The following LATS2 variants were observed in gnomAD, a reference collection of about 807,000 sequenced individuals.
LATS2 encodes the protein serine/threonine-protein kinase LATS2.
LATS2 carries 24 observed loss-of-function variants against 76.0 expected under a neutral mutation model. That is an observed-to-expected ratio of 0.32 (90% CI 0.23 to 0.44). The LOEUF is 0.44. Among genes scored for constraint, LATS2 ranks in the 20% least tolerant of loss-of-function variants. LATS2 has a pLI of 1.00. For missense variants in LATS2, 1,286 were observed against 1,481.2 expected (o/e 0.87, Z 2.16); for synonymous variants, 692 against 635.4 (o/e 1.09, Z -1.34).
At chr13:21,003,915 A>G (rs951306690) in intron 2 of LATS2, among the ~76,000 whole-genome samples, 2 of 152,286 alleles carry the variant, frequency 1.3e-5, no homozygotes, top group South Asian at 4.1e-4. Flanking sequence ...TTAAGGCCCT[A>G]AAGTAAATAA....
intron 2 of LATS2, among the ~76,000 whole-genome samples, chr13:21,021,591 AATTTCACAT>A (rs1872068541): frequency 6.6e-6 from 1 of 151,662 alleles, no homozygotes; most frequent in South Asian, 2.1e-4. Flanking sequence ...AGTGTGTTTA[AATTTCACAT>A]TGTTAAGACG....
Position 20,973,556 on chromosome 13 carries a change from ACT to A in LATS2, c.*1312_*1313del, listed in dbSNP as rs1869437049. On this transcript the variant is annotated 3_prime_UTR_variant, in exon 8 of 8. Coordinates refer to ENST00000382592, the MANE Select transcript of LATS2 (RefSeq NM_014572.3). ...TGTGTATACACGCACATACATCTAT[ACT>A]TCTAAGAAAATACGTATGGCTTACT... 16 of 232,624 alleles carry A rather than the reference ACT, an allele frequency of 6.9e-5. 1 individual carries two copies. The East Asian group carries it at 9.8e-4, about 14-fold the overall frequency. The allele number at this position is 232,624 out of a possible 1,614,324, so 14.4% of individuals were successfully genotyped here. A position where few individuals can be genotyped will look rare whatever the true frequency, so the allele number is the denominator to read the frequency against.
chr13:20,989,557 GA>G (rs770377047), intron 3 of LATS2, among the ~76,000 whole-genome samples: 8 of 152,216 alleles, frequency 5.3e-5, no homozygotes, highest in Non-Finnish European at 1.2e-4. Context: ...GGGCAGAAGA[GA>G]AGACTGCGTC....
chr13:21,053,802 G>C (rs1200693767), intron 1 of LATS2, among the ~76,000 whole-genome samples: 1 of 152,206 alleles, frequency 6.6e-6, no homozygotes, highest in African/African-American at 2.4e-5. Context: ...ATTATGCTAA[G>C]TGAAATAAGC....
At chr13:20,987,013 C>T (rs1172423695) in intron 4 of LATS2, among the ~76,000 whole-genome samples, 9 of 151,916 alleles carry the variant, frequency 5.9e-5, no homozygotes, top group African/African-American at 1.7e-4. Flanking sequence ...ACCAACATGG[C>T]GAAACCCCCG....
chr13:21,021,957 G>C (rs937505962), intron 2 of LATS2, among the ~76,000 whole-genome samples: 2 of 152,126 alleles, frequency 1.3e-5, no homozygotes, highest in African/African-American at 4.8e-5. Context: ...TAGACTATCT[G>C]TTTCCACACT....
chr13:21,007,567 A>T (rs1417867530), intron 2 of LATS2, among the ~76,000 whole-genome samples: 3 of 18,980 alleles, frequency 1.6e-4, no homozygotes, highest in African/African-American at 1.2e-3. Context: ...ATATATATAT[A>T]TATATATATA....
At chr13:20,980,592 C>A (rs1258003916) in intron 6 of LATS2, among the ~76,000 whole-genome samples, 1 of 152,208 alleles carries the variant, frequency 6.6e-6, no homozygotes, top group African/African-American at 2.4e-5. Context: ...GCAACAGAGG[C>A]TGCAGAAAAA....
At chr13:21,027,099 A>G (rs1595244228) in intron 2 of LATS2, among the ~76,000 whole-genome samples, 4 of 152,186 alleles carry the variant, frequency 2.6e-5, no homozygotes, top group Admixed American at 2.6e-4. Context: ...AGTTCTTTAT[A>G]TATTCCAAAT....
At chr13:21,045,585 TA>T in intron 2 of LATS2, 99 bp downstream of exon 2, 1 of 835,856 alleles carries the variant, frequency 1.2e-6, no homozygotes, top group South Asian at 1.8e-5. Flanking sequence ...GTATAAGTAG[TA>T]ACCAATTCAA....
chr13:21,007,760 A>ATTTTTT (rs1202476922), intron 2 of LATS2, among the ~76,000 whole-genome samples: 19 of 4,560 alleles, frequency 4.2e-3, no homozygotes, highest in African/African-American at 6.4e-3. Flanking sequence ...ATATATATAT[A>ATTTTTT]TTTTTTTTTT....
At chr13:21,029,119 A>C (rs1190080656) in intron 2 of LATS2, among the ~76,000 whole-genome samples, 1 of 152,194 alleles carries the variant, frequency 6.6e-6, no homozygotes, top group Non-Finnish European at 1.5e-5. Context: ...CCTCCAACAG[A>C]AGATGAAAGA....
chr13:21,017,465 A>G (rs1384808651), intron 2 of LATS2, among the ~76,000 whole-genome samples: 1 of 152,074 alleles, frequency 6.6e-6, no homozygotes, highest in African/African-American at 2.4e-5. Context: ...ATGAGCCACC[A>G]CACCTGGATG....
intron 2 of LATS2, among the ~76,000 whole-genome samples, chr13:21,036,674 G>A (rs940395344): frequency 1.3e-5 from 2 of 152,120 alleles, no homozygotes; most frequent in Non-Finnish European, 2.9e-5. Context: ...TCAAGAGGCT[G>A]AAGCAGGAGA....
intron 3 of LATS2, among the ~76,000 whole-genome samples, chr13:20,989,650 C>T (rs1175865611): frequency 1.3e-5 from 2 of 152,294 alleles, no homozygotes; most frequent in East Asian, 3.9e-4. Context: ...TCTGCATAGC[C>T]AGCTTTGCTT....
At chr13:21,040,641 C>G (rs1872846420) in intron 2 of LATS2, among the ~76,000 whole-genome samples, 1 of 152,112 alleles carries the variant, frequency 6.6e-6, no homozygotes, top group Non-Finnish European at 1.5e-5. Flanking sequence ...GCAGAGAGCT[C>G]CTCTGTAGAG....
intron 2 of LATS2, among the ~76,000 whole-genome samples, chr13:20,995,507 G>A (rs1439891413): frequency 3.3e-5 from 5 of 152,216 alleles, no homozygotes; most frequent in African/African-American, 1.2e-4. Flanking sequence ...GGTGTCTAGC[G>A]TGTAGAAAGA....
intron 2 of LATS2, among the ~76,000 whole-genome samples, chr13:21,004,133 T>G (rs1336540396): frequency 1.3e-5 from 2 of 152,172 alleles, no homozygotes; most frequent in South Asian, 4.1e-4. Flanking sequence ...AAAAGCACTT[T>G]AAAATGCTTC....
chr13:20,998,503 G>A (rs944399011), intron 2 of LATS2, among the ~76,000 whole-genome samples: 1 of 152,212 alleles, frequency 6.6e-6, no homozygotes, highest in African/African-American at 2.4e-5. Context: ...ATTGCCAGCA[G>A]GGTGGTCTTC....
Sources: allele counts gnomAD v4.1 joint callset (sites outside exome capture counted in the v4.1 genomes callset), GRCh38; gene constraint gnomAD v4.1.1; transcripts MANE v1.5; gene names NCBI Gene and HGNC (gene_info 2026-07-23, HGNC 2026-07-21).